Variants in GRIK2 observed in about 807,000 individuals in gnomAD.
The protein encoded by GRIK2 is glutamate receptor ionotropic, kainate 2.
GRIK2 carries 32 observed loss-of-function variants against 100.3 expected under a neutral mutation model. The ratio of observed to expected loss-of-function variants is 0.32; its 90% CI spans 0.24 to 0.43. The LOEUF (loss-of-function observed/expected upper bound fraction) is 0.43. Ranked by LOEUF, GRIK2 falls within the 20% of genes least tolerant of loss-of-function variation. The pLI is 1.00. For missense variants in GRIK2, 843 were observed against 1,114.9 expected (o/e 0.76, Z 3.47); for synonymous variants, 417 against 389.4 (o/e 1.07, Z -0.83).
At chr6:101,677,823 C>G (rs905077431) in intron 5 of GRIK2, among the ~76,000 whole-genome samples, 2 of 152,032 alleles carry the variant, frequency 1.3e-5, no homozygotes, top group Non-Finnish European at 2.9e-5. Context: ...TAGTAAATGC[C>G]TGTTATAGCA....
At chr6:101,924,001 TATA>T (rs1287070310) in intron 12 of GRIK2, among the ~76,000 whole-genome samples, 1 of 151,380 alleles carries the variant, frequency 6.6e-6, no homozygotes, top group African/African-American at 2.4e-5. Flanking sequence ...CTCTGAAACC[TATA>T]ATAATGTCAG....
intron 10 of GRIK2, among the ~76,000 whole-genome samples, chr6:101,826,466 A>T (rs1342218272): frequency 6.6e-6 from 1 of 152,034 alleles, no homozygotes; most frequent in Non-Finnish European, 1.5e-5. Flanking sequence ...ATGATGAATG[A>T]TACTCAAGTA....
At chr6:101,960,172 AT>A (rs554665521) in intron 14 of GRIK2, among the ~76,000 whole-genome samples, 1 of 149,990 alleles carries the variant, frequency 6.7e-6, no homozygotes, top group African/African-American at 2.4e-5. Flanking sequence ...TATTTCAATA[AT>A]TTTTTTTATT....
chr6:101,509,927 A>C (rs879766954), intron 2 of GRIK2, among the ~76,000 whole-genome samples: 1 of 152,258 alleles, frequency 6.6e-6, no homozygotes, highest in Middle Eastern at 3.4e-3. Flanking sequence ...AAAAGAACCA[A>C]ATATTCATAA....
chr6:102,006,389 TA>T (rs1345395207), intron 14 of GRIK2, among the ~76,000 whole-genome samples: 2,415 of 105,260 alleles, frequency 0.023, 57 homozygotes, highest in African/African-American at 0.09. Context: ...TATATATATA[TA>T]TTTTTTTTTT....
At chr6:101,856,805 G>A (rs532862029) in intron 10 of GRIK2, among the ~76,000 whole-genome samples, 14 of 152,212 alleles carry the variant, frequency 9.2e-5, no homozygotes, top group South Asian at 6.2e-4. Flanking sequence ...CTGCAGTTTT[G>A]ACCATGCGGA....
intron 10 of GRIK2, among the ~76,000 whole-genome samples, chr6:101,837,893 A>G (rs1421985489): frequency 6.6e-6 from 1 of 152,136 alleles, no homozygotes; most frequent in East Asian, 1.9e-4. Context: ...CAATTCTTCA[A>G]AAATGATAGG....
At chr6:101,407,484 G>T (rs80180904) in intron 2 of GRIK2, among the ~76,000 whole-genome samples, 2,162 of 152,110 alleles carry the variant, frequency 0.014, 52 homozygotes, top group African/African-American at 0.05. Context: ...GACTCCCTGT[G>T]CTTTGAATCC....
chr6:101,634,391 G>A (rs937322399), intron 4 of GRIK2, among the ~76,000 whole-genome samples: 7 of 151,912 alleles, frequency 4.6e-5, no homozygotes, highest in African/African-American at 1.7e-4. Context: ...GAGAGAAGAC[G>A]GTGTCTGCTT....
intron 10 of GRIK2, among the ~76,000 whole-genome samples, chr6:101,841,387 G>A (rs1262821631): frequency 3.4e-5 from 5 of 146,716 alleles, no homozygotes; most frequent in African/African-American, 1.3e-4. Context: ...TTTTTGGTAC[G>A]GTTTCTCTCT....
chr6:101,895,674 T>G (rs1183044867), intron 12 of GRIK2, among the ~76,000 whole-genome samples: 1 of 151,824 alleles, frequency 6.6e-6, no homozygotes, highest in African/African-American at 2.4e-5. Flanking sequence ...ATGCCAATTT[T>G]GTTGTTTGTC....
At chr6:102,024,655 T>G (rs151194108) in intron 14 of GRIK2, among the ~76,000 whole-genome samples, 1 of 151,360 alleles carries the variant, frequency 6.6e-6, no homozygotes, top group South Asian at 2.1e-4. Flanking sequence ...CCATTCTTGA[T>G]GTATGTGGAG....
intron 2 of GRIK2, among the ~76,000 whole-genome samples, chr6:101,576,288 G>T (rs1777784009): frequency 6.6e-6 from 1 of 151,922 alleles, no homozygotes; most frequent in African/African-American, 2.4e-5. Context: ...TTCAAACCAG[G>T]ACTCTTGCTC....
chr6:102,001,584 A>G (rs1044184206), intron 14 of GRIK2, among the ~76,000 whole-genome samples: 6 of 151,702 alleles, frequency 4.0e-5, no homozygotes, highest in Non-Finnish European at 2.9e-5. Flanking sequence ...TATGTGCCAC[A>G]TTTTCTTTAT....
chr6:101,460,383 T>C (rs1771242170), intron 2 of GRIK2, among the ~76,000 whole-genome samples: 1 of 152,204 alleles, frequency 6.6e-6, no homozygotes, highest in African/African-American at 2.4e-5. Flanking sequence ...ATATAGATAC[T>C]AGGTGTTATT....
At chr6:101,703,153 C>G (rs1248897441) in intron 7 of GRIK2, among the ~76,000 whole-genome samples, 1 of 150,958 alleles carries the variant, frequency 6.6e-6, no homozygotes, top group African/African-American at 2.5e-5. Flanking sequence ...GTTTGAAACT[C>G]AGGTGAAAGG....
rs555391860 is a variant in GRIK2, at chr6:101,487,941, G to GA, written c.115+88557dup. Among the ~76,000 whole-genome samples the GA allele has an allele frequency of 1.4e-3, 205 of 145,298 alleles. 25 individuals carry two copies. Among genetic ancestry groups the GA allele is most frequent in the African/African-American group, 4.8e-3 (182 of 38,212 alleles). On this transcript the variant is annotated intron_variant, in intron 2 of 16. Transcript: ENST00000369134. ...GCAGAAAAAATACTATCCACTACGGGAAAAAAAATCTGTATTTTTACCTTC... is the reference window on the plus strand; with the variant it reads ...GCAGAAAAAATACTATCCACTACGGGAAAAAAAAATCTGTATTTTTACCTTC...
intron 7 of GRIK2, among the ~76,000 whole-genome samples, chr6:101,761,145 G>A (rs1436633150): frequency 6.6e-6 from 1 of 152,064 alleles, no homozygotes; most frequent in Non-Finnish European, 1.5e-5. Context: ...AGGACTGCTG[G>A]ATCACACATT....
At chr6:102,064,274 C>A (rs1321886920) in intron 16 of GRIK2, among the ~76,000 whole-genome samples, 1 of 150,038 alleles carries the variant, frequency 6.7e-6, no homozygotes, top group Non-Finnish European at 1.5e-5. Context: ...CCCTCTCCTT[C>A]TCCTTCTCTT....
Sources: gnomAD v4.1 joint callset for allele counts (sites outside exome capture counted in the v4.1 genomes callset) on GRCh38, gnomAD v4.1.1 for gene constraint, MANE v1.5 for transcripts, NCBI Gene and HGNC (gene_info 2026-07-23, HGNC 2026-07-21) for gene names.